PLGRKT: variants seen among roughly 807,000 people sequenced by gnomAD.
PLGRKT encodes the protein plasminogen receptor (KT).
A neutral mutation model predicts 18.5 loss-of-function variants in PLGRKT; 22 were observed. That is an observed-to-expected ratio of 1.19 (90% confidence interval 0.85 to 1.70). The LOEUF (loss-of-function observed/expected upper bound fraction) is 1.70. Among genes scored for constraint, PLGRKT ranks in the 40% most tolerant of loss-of-function variants. The pLI is 0.00. For missense variants in PLGRKT, 235 were observed against 174.4 expected (o/e 1.35, Z -1.96); for synonymous variants, 72 against 52.8 (o/e 1.36, Z -1.58).
At position 5,436,639 on chromosome 9, in the gene PLGRKT, A is replaced by G. The variant is rs1586753177; in HGVS notation, c.-77T>C. 6.6e-6 allele frequency: 1 copy of G among 152,196 alleles called. No individual in the cohort carries two copies. Among genetic ancestry groups the G allele is most frequent in the East Asian group, 1.9e-4 (1 of 5,192 alleles). The allele number at this position is 152,196 out of a possible 1,614,324, so 9.4% of individuals were successfully genotyped here. ...TGTGTTAGAGGACGCTCCCAGGTGG[A>G]AGGGTTAAAGGTGGAAGCCAAGCAG... On this transcript the variant is annotated 5_prime_UTR_variant, in exon 2 of 6. Transcript: ENST00000223864.
intron 3 of PLGRKT, among the ~76,000 whole-genome samples, chr9:5,431,675 C>G (rs1484749906): frequency 6.6e-6 from 1 of 151,940 alleles, no homozygotes; most frequent in African/African-American, 2.4e-5. Context: ...AAGCAGTTAT[C>G]TCTTCCTACA....
chr9:5,413,199 C>A (rs557399626), intron 3 of PLGRKT, among the ~76,000 whole-genome samples: 4 of 152,258 alleles, frequency 2.6e-5, no homozygotes, highest in Non-Finnish European at 5.9e-5. Flanking sequence ...AATCTCAACT[C>A]TAAAAATCTA....
chr9:5,423,119 C>T (rs921594220), intron 3 of PLGRKT, among the ~76,000 whole-genome samples: 2 of 152,100 alleles, frequency 1.3e-5, no homozygotes, highest in African/African-American at 4.8e-5. Context: ...TGAAGCCAGA[C>T]CAATTTTGGC....
At chr9:5,377,374 G>C (rs1817649822) in intron 3 of PLGRKT, among the ~76,000 whole-genome samples, 1 of 151,636 alleles carries the variant, frequency 6.6e-6, no homozygotes, top group Non-Finnish European at 1.5e-5. Flanking sequence ...TTATTTATTA[G>C]TTCACTCATT....
At chr9:5,422,200 G>A (rs561373913) in intron 3 of PLGRKT, among the ~76,000 whole-genome samples, 8 of 152,138 alleles carry the variant, frequency 5.3e-5, no homozygotes, top group African/African-American at 1.2e-4. Context: ...TGGTAAGGCC[G>A]GCCGATCACA....
intron 3 of PLGRKT, among the ~76,000 whole-genome samples, chr9:5,411,937 T>C (rs983425982): frequency 6.6e-6 from 1 of 152,202 alleles, no homozygotes; most frequent in Admixed American, 6.5e-5. Flanking sequence ...CAGACTATTT[T>C]ATACTTGGGC....
intron 3 of PLGRKT, among the ~76,000 whole-genome samples, chr9:5,377,252 A>G (rs1195790543): frequency 6.6e-6 from 1 of 151,506 alleles, no homozygotes; most frequent in Non-Finnish European, 1.5e-5. Context: ...AGTAAACTAA[A>G]AAAAAAAAGA....
chr9:5,366,588 A>C (rs1817392515), intron 3 of PLGRKT, among the ~76,000 whole-genome samples: 1 of 152,178 alleles, frequency 6.6e-6, no homozygotes, highest in Non-Finnish European at 1.5e-5. Flanking sequence ...CATCGAAGGA[A>C]CATATCTCAA....
At chr9:5,396,591 G>T (rs1013336055) in intron 3 of PLGRKT, among the ~76,000 whole-genome samples, 1 of 151,840 alleles carries the variant, frequency 6.6e-6, no homozygotes, top group Non-Finnish European at 1.5e-5. Flanking sequence ...CACTGCATCC[G>T]GCCACAACAA....
intron 3 of PLGRKT, among the ~76,000 whole-genome samples, chr9:5,384,862 T>G (rs1338246529): frequency 2.1e-4 from 32 of 152,318 alleles, no homozygotes; most frequent in Non-Finnish European, 2.9e-5. Flanking sequence ...ATTTCCTTCT[T>G]GTTTCCTAAG....
At chr9:5,387,388 G>C (rs1265565840) in intron 3 of PLGRKT, among the ~76,000 whole-genome samples, 2 of 151,820 alleles carry the variant, frequency 1.3e-5, no homozygotes, top group Non-Finnish European at 2.9e-5. Context: ...ACTCAAACTG[G>C]AATTAATCCA....
rs368780203 is a variant in PLGRKT, at chr9:5,420,993, A to G, written c.81+10904T>C. On this transcript the variant is annotated intron_variant, in intron 3 of 5. Transcript: ENST00000223864. The stretch of plus-strand genomic sequence containing the variant: ...TATGTATTTCAGAAAGCATTTATTG[A>G]GCACACACTATATTTTATGTTGCAA... 2.6e-5 allele frequency among the ~76,000 whole-genome samples: 4 copies of G among 152,244 alleles called. No homozygotes were observed. In the East Asian group the frequency reaches 7.7e-4, roughly 29 times the overall value.
At chr9:5,392,068 G>A (rs762092955) in intron 3 of PLGRKT, among the ~76,000 whole-genome samples, 7 of 151,946 alleles carry the variant, frequency 4.6e-5, no homozygotes, top group Non-Finnish European at 8.8e-5. Context: ...AAGTGTGTGA[G>A]GCAGCAACAA....
In PLGRKT at chr9:5,418,342, C is replaced by T; in HGVS notation, c.81+13555G>A. On this transcript the variant is annotated intron_variant, in intron 3 of 5. Coordinates refer to ENST00000223864, the MANE Select transcript of PLGRKT (RefSeq NM_018465.4). The surrounding 1 kb of genome is among the most constrained non-coding windows in gnomAD (Gnocchi z 4.2). ...TGTGCTCAACCCCTAAGTTGGCACC[C>T]ACAAGAGACTTCCCTGCAGCCCTCT... 1 of 661,678 alleles carries T rather than the reference C, an allele frequency of 1.5e-6. No individual in the cohort carries two copies. Among genetic ancestry groups the T allele is most frequent in the Admixed American group, 2.0e-5 (1 of 48,994 alleles). The allele number at this position is 661,678 out of a possible 1,614,324, so 41.0% of individuals were successfully genotyped here. A position where few individuals can be genotyped will look rare whatever the true frequency, so the allele number is the denominator to read the frequency against.
chr9:5,377,898 CAAGA>C (rs1817662003), intron 3 of PLGRKT, among the ~76,000 whole-genome samples: 1 of 152,036 alleles, frequency 6.6e-6, no homozygotes, highest in South Asian at 2.1e-4. Flanking sequence ...CGACAGCAGA[CAAGA>C]AAGAAAGAAA....
At chr9:5,415,143 T>C (rs1160376620) in intron 3 of PLGRKT, among the ~76,000 whole-genome samples, 1 of 152,100 alleles carries the variant, frequency 6.6e-6, no homozygotes, top group Non-Finnish European at 1.5e-5. Context: ...GCCTGGCATA[T>C]ATTGTGATCA....
chr9:5,377,502 T>A (rs977015024), intron 3 of PLGRKT, among the ~76,000 whole-genome samples: 2 of 152,178 alleles, frequency 1.3e-5, no homozygotes, highest in East Asian at 1.9e-4. Flanking sequence ...GCTAACAATA[T>A]TTTTTAAAAG....
chr9:5,415,631 T>G (rs1818445024), intron 3 of PLGRKT, among the ~76,000 whole-genome samples: 1 of 152,138 alleles, frequency 6.6e-6, no homozygotes, highest in Non-Finnish European at 1.5e-5. Context: ...CCACTAGCAA[T>G]AAGACATATC....
chr9:5,406,423 G>A (rs1563782423), intron 3 of PLGRKT, among the ~76,000 whole-genome samples: 1 of 152,168 alleles, frequency 6.6e-6, no homozygotes, highest in African/African-American at 2.4e-5. Flanking sequence ...GGAATACTAT[G>A]CAGCCATAAA....
Sources: allele counts gnomAD v4.1 joint callset (sites outside exome capture counted in the v4.1 genomes callset), GRCh38; gene constraint gnomAD v4.1.1; non-coding constraint Gnocchi (gnomAD v3.1); transcripts MANE v1.5; gene names NCBI Gene and HGNC (gene_info 2026-07-23, HGNC 2026-07-21).